Variants in MDFI observed in about 807,000 individuals in gnomAD.
The protein encoded by MDFI is MyoD family inhibitor.
A neutral mutation model predicts 22.3 loss-of-function variants in MDFI; 16 were observed. The observed-to-expected ratio is 0.72, with a 90% CI of 0.49 to 1.09. MDFI has a LOEUF of 1.09. Ranked by LOEUF, MDFI falls within the 50% of genes least tolerant of loss-of-function variation. The pLI is 0.00. For missense variants in MDFI, 314 were observed against 326.1 expected, an observed-to-expected ratio of 0.96 and a Z score of 0.29; for synonymous variants, 145 against 142.7, an observed-to-expected ratio of 1.02 and a Z score of -0.12.
upstream of MDFI, chr6:41,637,419 G>T (rs1490315717): frequency 6.6e-6 from 1 of 152,158 alleles, no homozygotes; most frequent in Non-Finnish European, 1.5e-5. This position sits in a 1 kb window ranked among gnomAD's most constrained non-coding sequence, Gnocchi z 6.8. Flanking sequence ...CTTCCAGTGT[G>T]CTCACTGGCC....
At position 41,653,276 on chromosome 6, in the gene MDFI, C is replaced by G. The variant is rs371199141; in HGVS notation, c.485-43C>G. The G allele has an allele frequency of 6.3e-7, 1 of 1,594,414 alleles. No individual in the cohort carries two copies. Among genetic ancestry groups the G allele is most frequent in the East Asian group, 2.2e-5 (1 of 44,552 alleles). ...CCGGCTATTTCACACACGCTCATCC[C>G]TCCCCTCTCTCACCCGTCCCCCTCT... is the stretch of plus-strand genomic sequence containing the variant. On this transcript the variant is annotated intron_variant, in intron 4 of 4. Transcript: ENST00000230321. The surrounding 1 kb of genome is among the most constrained non-coding windows in gnomAD (Gnocchi z 4.2).
chr6:41,639,401 C>T, intron 2 of MDFI: 1 of 985,416 alleles, frequency 1.0e-6, no homozygotes, highest in Non-Finnish European at 1.2e-6. Context: ...ACACGCACCC[C>T]AACCCAGTGT....
At position 41,653,387 on chromosome 6, in the gene MDFI, G is replaced by C. The variant is rs761892187; in HGVS notation, c.553G>C (p.Asp185His). The change falls in exon 5 of 5, where the codon GAC becomes CAC. Residue 185 changes from aspartate (D) to histidine (H), a missense_variant. Asp to His is a moderately conservative substitution (Grantham distance 81). Transcript: ENST00000230321. The surrounding 1 kb of genome is among the most constrained non-coding windows in gnomAD (Gnocchi z 4.2). ...EFLTLCNIVL[D>H]CATCGSCSSE... ...CCTGACGCTGTGCAACATCGTCCTG[G>C]ACTGCGCCACCTGTGGCTCCTGCAG... 6.2e-7 allele frequency: 1 copy of C among 1,611,592 alleles called. No homozygotes were observed. The highest frequency in any genetic ancestry group is 1.1e-5 in the South Asian group (1 of 91,072).
chr6:41,653,397 C>A lies in MDFI; in HGVS notation c.563C>A (p.Thr188Asn). Residue 188 changes from threonine (T) to asparagine (N), a missense_variant, in exon 5 of 5, where the codon ACC (threonine) becomes AAC (asparagine). Coordinates refer to ENST00000230321, the MANE Select transcript of MDFI (RefSeq NM_005586.4). This position sits in a 1 kb window ranked among gnomAD's most constrained non-coding sequence, Gnocchi z 4.2. ...TLCNIVLDCA[T>N]CGSCSSEDSC... ...TGCAACATCGTCCTGGACTGCGCCACCTGTGGCTCCTGCAGCTCGGAGGAC... is the reference window on the plus strand; with the variant it reads ...TGCAACATCGTCCTGGACTGCGCCAACTGTGGCTCCTGCAGCTCGGAGGAC... The A allele has an allele frequency of 1.9e-6, 3 of 1,610,968 alleles. No homozygotes were observed. The highest frequency in any genetic ancestry group is 2.5e-6 in the Non-Finnish European group (3 of 1,179,996).
Position 41,646,143 on chromosome 6 carries a change from C to A in MDFI, c.94C>A (p.Leu32Ile). 1 of 1,537,036 alleles carries A rather than the reference C, an allele frequency of 6.5e-7. No individual in the cohort carries two copies. Among genetic ancestry groups the A allele is most frequent in the Non-Finnish European group, 8.7e-7 (1 of 1,144,504 alleles). Residue 32 changes from leucine to isoleucine, a missense_variant, in exon 3 of 5, where the codon CTT (leucine) becomes ATT (isoleucine). Physicochemically the swap from Leu to Ile is conservative, Grantham distance 5. Transcript: ENST00000230321. The part of the protein sequence containing the change: ...APGPAQTLSL[L>I]PGLEVVTGST... Reference sequence around the variant, plus strand: ...TTTCCTAGCCCAGACCCTATCCCTCCTTCCTGGGCTGGAGGTAGTAACAGG... The same window carrying A: ...TTTCCTAGCCCAGACCCTATCCCTCATTCCTGGGCTGGAGGTAGTAACAGG...
intron 2 of MDFI, among the ~76,000 whole-genome samples, chr6:41,642,538 G>A (rs1767890529): frequency 6.6e-6 from 1 of 152,126 alleles, no homozygotes; most frequent in African/African-American, 2.4e-5. Flanking sequence ...GGGCCACCCG[G>A]GCAGTGTCTC....
chr6:41,649,199 G>A (rs144372958), intron 3 of MDFI, among the ~76,000 whole-genome samples: 12 of 152,348 alleles, frequency 7.9e-5, no homozygotes, highest in African/African-American at 2.6e-4. Context: ...GGCAGAGGCC[G>A]AGGTGAAGAT....
upstream of MDFI, among the ~76,000 whole-genome samples, chr6:41,637,913 C>G (rs907049421): frequency 7.2e-5 from 11 of 152,164 alleles, no homozygotes; most frequent in African/African-American, 2.7e-4. This position sits in a 1 kb window ranked among gnomAD's most constrained non-coding sequence, Gnocchi z 6.8. Context: ...TGGTTGGTCA[C>G]TAACCGGATT....
At chr6:41,643,576 AGGAGGGAG>A (rs1209257493) in intron 2 of MDFI, among the ~76,000 whole-genome samples, 6 of 73,440 alleles carry the variant, frequency 8.2e-5, no homozygotes, top group East Asian at 3.7e-4. Context: ...GAAGGAAGGA[AGGAGGGAG>A]GGAGGGAGGG....
intron 2 of MDFI, chr6:41,639,259 C>T: frequency 2.0e-6 from 2 of 985,412 alleles, no homozygotes; most frequent in Non-Finnish European, 2.4e-6. Flanking sequence ...GAGCCCAGCG[C>T]TTCCCGAAAA....
At chr6:41,648,333 TCA>T (rs1430660998) in intron 3 of MDFI, among the ~76,000 whole-genome samples, 1 of 152,164 alleles carries the variant, frequency 6.6e-6, no homozygotes, top group Non-Finnish European at 1.5e-5. Context: ...TCTCCGGGAC[TCA>T]GTTTCCTCAT....
At chr6:41,643,177 CTG>C (rs984147569) in intron 2 of MDFI, among the ~76,000 whole-genome samples, 1 of 152,208 alleles carries the variant, frequency 6.6e-6, no homozygotes, top group Non-Finnish European at 1.5e-5. Flanking sequence ...TCCTTGCTCT[CTG>C]TGTAGCGGCT....
intron 2 of MDFI, among the ~76,000 whole-genome samples, chr6:41,644,013 C>A (rs1462014397): frequency 1.3e-5 from 2 of 152,026 alleles, no homozygotes; most frequent in African/African-American, 4.8e-5. Context: ...CTAGGCAGGC[C>A]CCTGGTTTCC....
chr6:41,645,437 C>T (rs1561830779), intron 2 of MDFI, among the ~76,000 whole-genome samples: 1 of 152,104 alleles, frequency 6.6e-6, no homozygotes, highest in Admixed American at 6.5e-5. Flanking sequence ...CGGCCGGCTC[C>T]TTGTCCTCCT....
intron 3 of MDFI, 34 bp from the exon 4 acceptor site, chr6:41,649,585 C>G (rs1309993781): frequency 6.5e-7 from 1 of 1,527,342 alleles, no homozygotes; most frequent in African/African-American, 1.4e-5. Flanking sequence ...GACCCCCACC[C>G]TTTTCCCATC....
intron 3 of MDFI, among the ~76,000 whole-genome samples, chr6:41,646,623 G>A (rs994321544): frequency 7.2e-5 from 11 of 152,136 alleles, no homozygotes; most frequent in African/African-American, 2.7e-4. Flanking sequence ...GTCCGGCAGG[G>A]AGCCAGGGCC....
At position 41,653,197 on chromosome 6, in the gene MDFI, C is replaced by CA; in HGVS notation, c.485-121dup. ...GGGACGGATTCGTGAGCTTCAGGCA[C>CA]ACAGTGAACACTCAGCGTCCCTGCT... On this transcript the variant is annotated intron_variant, in intron 4 of 4. Coordinates refer to ENST00000230321, the MANE Select transcript of MDFI (RefSeq NM_005586.4). The surrounding 1 kb of genome is among the most constrained non-coding windows in gnomAD (Gnocchi z 4.2). 1 of 1,002,432 alleles carries CA rather than the reference C, an allele frequency of 1.0e-6. No homozygotes were observed. The highest frequency in any genetic ancestry group is 1.5e-5 in the South Asian group (1 of 68,694). 62.1% of individuals were successfully genotyped at this position (1,002,432 alleles called of 1,614,324 possible).
chr6:41,648,042 C>CAAAA (rs3050046), intron 3 of MDFI, among the ~76,000 whole-genome samples: 13 of 65,528 alleles, frequency 2.0e-4, no homozygotes, highest in East Asian at 1.5e-3. Flanking sequence ...GACTCCGTCT[C>CAAAA]AAAAAAAAAA....
chr6:41,642,970 C>T (rs990980491), intron 2 of MDFI, among the ~76,000 whole-genome samples: 6 of 152,112 alleles, frequency 3.9e-5, no homozygotes, highest in African/African-American at 9.7e-5. Context: ...GCCTTCCTCC[C>T]TCTCTAACAC....
Sources: allele counts gnomAD v4.1 joint callset (sites outside exome capture counted in the v4.1 genomes callset), GRCh38; gene constraint gnomAD v4.1.1; non-coding constraint Gnocchi (gnomAD v3.1); transcripts MANE v1.5; gene names NCBI Gene and HGNC (gene_info 2026-07-23, HGNC 2026-07-21).